NLGN1: variants seen among roughly 807,000 people sequenced by gnomAD.
NLGN1 encodes the protein neuroligin 1.
Under a neutral mutation model 65.5 loss-of-function variants are expected in NLGN1, and 12 were observed. The observed-to-expected ratio is 0.18, with a 90% CI of 0.12 to 0.30. The LOEUF (loss-of-function observed/expected upper bound fraction) is 0.30. Among genes scored for constraint, NLGN1 ranks in the 10% least tolerant of loss-of-function variants. The pLI is 1.00. For synonymous variants in NLGN1, 350 were observed against 359.5 expected (o/e 0.97, Z 0.30); for missense variants, 750 against 1,007.1 (o/e 0.74, Z 3.46).
chr3:174,047,690 A>C (rs1733925978), intron 4 of NLGN1, among the ~76,000 whole-genome samples: 1 of 152,022 alleles, frequency 6.6e-6, no homozygotes, highest in African/African-American at 2.4e-5. Context: ...AAACAGCCAG[A>C]AAAGACATGA....
At chr3:173,965,604 C>T (rs1357436807) in intron 4 of NLGN1, among the ~76,000 whole-genome samples, 2 of 152,016 alleles carry the variant, frequency 1.3e-5, no homozygotes, top group Non-Finnish European at 2.9e-5. Flanking sequence ...AGACGTGAGC[C>T]ACCCAACGCG....
intron 3 of NLGN1, among the ~76,000 whole-genome samples, chr3:173,645,590 G>A (rs910693763): frequency 2.0e-5 from 3 of 152,144 alleles, no homozygotes; most frequent in Admixed American, 6.5e-5. Context: ...TGGGCCTTGT[G>A]GATCCACAAT....
At chr3:173,486,755 C>G (rs1728232990) in intron 2 of NLGN1, among the ~76,000 whole-genome samples, 2 of 152,148 alleles carry the variant, frequency 1.3e-5, no homozygotes, top group African/African-American at 4.8e-5. Flanking sequence ...CAAACCTGAA[C>G]AAAACAGTTC....
chr3:173,810,570 C>T (rs187954171), intron 4 of NLGN1, among the ~76,000 whole-genome samples: 9 of 152,300 alleles, frequency 5.9e-5, no homozygotes, highest in African/African-American at 2.2e-4. Context: ...ACAGGTAGTG[C>T]AATCTGTGTT....
At chr3:173,893,115 A>G (rs758664673) in intron 4 of NLGN1, among the ~76,000 whole-genome samples, 38 of 152,142 alleles carry the variant, frequency 2.5e-4, no homozygotes, top group Non-Finnish European at 4.6e-4. Flanking sequence ...GCCCTCTCAT[A>G]GGCACCTCAA....
chr3:174,172,599 G>T (rs1728749683), intron 4 of NLGN1, among the ~76,000 whole-genome samples: 1 of 151,958 alleles, frequency 6.6e-6, no homozygotes, highest in Non-Finnish European at 1.5e-5. Context: ...TATGTTCTTG[G>T]CACCGCTGGC....
At chr3:174,265,926 ATATGTGTATATATGTATATATGTG>A (rs1748087441) in intron 4 of NLGN1, among the ~76,000 whole-genome samples, 2 of 147,282 alleles carry the variant, frequency 1.4e-5, no homozygotes, top group Admixed American at 1.4e-4. Flanking sequence ...ATATATGTAT[ATATGTGTATATATGTATATATGTG>A]TATGTGTATA....
intron 2 of NLGN1, among the ~76,000 whole-genome samples, chr3:173,597,377 A>G (rs951963236): frequency 6.6e-6 from 1 of 152,182 alleles, no homozygotes; most frequent in Non-Finnish European, 1.5e-5. Context: ...GACATGAACT[A>G]TGTAAAGTGT....
chr3:173,825,324 G>A (rs1025354043), intron 4 of NLGN1, among the ~76,000 whole-genome samples: 1 of 151,774 alleles, frequency 6.6e-6, no homozygotes, highest in Non-Finnish European at 1.5e-5. Context: ...ATTTTCAAGT[G>A]GCATGGCAAT....
intron 4 of NLGN1, among the ~76,000 whole-genome samples, chr3:174,002,574 G>C (rs539074619): frequency 7.8e-4 from 118 of 152,040 alleles, no homozygotes; most frequent in African/African-American, 2.8e-3. Context: ...TGATTCTAGT[G>C]GTACCACAAG....
intron 2 of NLGN1, among the ~76,000 whole-genome samples, chr3:173,522,511 A>T (rs1734927991): frequency 1.3e-5 from 2 of 152,130 alleles, no homozygotes; most frequent in Admixed American, 1.3e-4. Context: ...GCTCACTGCA[A>T]GCTCTGCCTC....
At chr3:173,772,586 C>T (rs1264449537) in intron 3 of NLGN1, among the ~76,000 whole-genome samples, 1 of 152,122 alleles carries the variant, frequency 6.6e-6, no homozygotes, top group Non-Finnish European at 1.5e-5. Flanking sequence ...CCATTGCACT[C>T]CAGCCTGGGC....
intron 4 of NLGN1, among the ~76,000 whole-genome samples, chr3:174,114,319 A>G (rs1343836548): frequency 1.3e-5 from 2 of 152,162 alleles, no homozygotes; most frequent in African/African-American, 2.4e-5. Flanking sequence ...GGAAGATTTT[A>G]TGTAATTCAT....
intron 4 of NLGN1, among the ~76,000 whole-genome samples, chr3:173,926,412 C>T (rs749972418): frequency 6.6e-6 from 1 of 152,124 alleles, no homozygotes; most frequent in Admixed American, 6.5e-5. Context: ...AAGTATAACT[C>T]GCAGCTTGCC....
intron 2 of NLGN1, among the ~76,000 whole-genome samples, chr3:173,495,375 A>G (rs2149030943): frequency 6.6e-6 from 1 of 151,702 alleles, no homozygotes; most frequent in African/African-American, 2.4e-5. Context: ...TTATTCTATC[A>G]ATTTTGTACA....
chr3:174,238,994 TA>T, intron 4 of NLGN1, among the ~76,000 whole-genome samples: 1 of 152,300 alleles, frequency 6.6e-6, no homozygotes, highest in East Asian at 1.9e-4. Context: ...GGGAGCTCAT[TA>T]GACATCCATT....
At chr3:174,258,634 T>C (rs1308751818) in intron 4 of NLGN1, among the ~76,000 whole-genome samples, 2 of 152,148 alleles carry the variant, frequency 1.3e-5, no homozygotes, top group East Asian at 1.9e-4. Flanking sequence ...TCTTCACTAA[T>C]CTTTTACCAG....
At chr3:173,642,985 A>G (rs576744757) in intron 3 of NLGN1, among the ~76,000 whole-genome samples, 1 of 152,220 alleles carries the variant, frequency 6.6e-6, no homozygotes. Context: ...GTATATATAT[A>G]CACACATCTG....
chr3:173,762,404 G>T (rs566863031), intron 3 of NLGN1, among the ~76,000 whole-genome samples: 33 of 152,096 alleles, frequency 2.2e-4, no homozygotes, highest in Middle Eastern at 6.8e-3. Context: ...CCTTTAAAAT[G>T]ATAATAAATT....
Sources: allele counts gnomAD v4.1 joint callset (sites outside exome capture counted in the v4.1 genomes callset), GRCh38; gene constraint gnomAD v4.1.1; transcripts MANE v1.5; gene names NCBI Gene and HGNC (gene_info 2026-07-23, HGNC 2026-07-21).